Variants in SCGB2B2 observed in about 807,000 individuals in gnomAD.
SCGB2B2 encodes the protein secretoglobin family 2B member 2.
Under a neutral mutation model 7.6 loss-of-function variants are expected in SCGB2B2, and 11 were observed. The observed-to-expected ratio is 1.45, with a 90% CI of 0.91 to 2.40. SCGB2B2 has a LOEUF of 2.40. Among genes scored for constraint, SCGB2B2 ranks in the 30% most tolerant of loss-of-function variants. SCGB2B2 has a pLI of 0.00. For synonymous variants in SCGB2B2, 50 were observed against 48.6 expected (o/e 1.03, Z -0.12); for missense variants, 104 against 115.4 (o/e 0.90, Z 0.45).
intron 1 of SCGB2B2, among the ~76,000 whole-genome samples, chr19:34,615,288 T>C (rs1199743979): frequency 6.6e-6 from 1 of 152,192 alleles, no homozygotes; most frequent in African/African-American, 2.4e-5. Context: ...AGGCTTAGTG[T>C]CTAAAATACT....
intron 1 of SCGB2B2, among the ~76,000 whole-genome samples, chr19:34,606,207 T>C (rs2065774063): frequency 6.6e-6 from 1 of 152,160 alleles, no homozygotes; most frequent in East Asian, 1.9e-4. Context: ...GAATTGTGTA[T>C]ATTTAAAATG....
At chr19:34,621,066 G>C (rs2066228490) in intron 1 of SCGB2B2, among the ~76,000 whole-genome samples, 1 of 152,110 alleles carries the variant, frequency 6.6e-6, no homozygotes, top group South Asian at 2.1e-4. Flanking sequence ...ATTCCTGAAA[G>C]ATTAAAGTCG....
intron 1 of SCGB2B2, among the ~76,000 whole-genome samples, chr19:34,644,480 T>C (rs1227124892): frequency 6.6e-6 from 1 of 151,898 alleles, no homozygotes; most frequent in African/African-American, 2.4e-5. Context: ...ATCACCACTA[T>C]CGATGTCCAA....
At chr19:34,645,525 GACACACACAGACACAGACAC>G (rs61670357) in intron 1 of SCGB2B2, 54,811 of 139,166 alleles carry the variant, frequency 0.39, 9,731 homozygotes, top group African/African-American at 0.52. Context: ...GACACACACA[GACACACACAGACACAGACAC>G]ACACACACAC....
chr19:34,623,757 G>A (rs573653378), intron 1 of SCGB2B2, among the ~76,000 whole-genome samples: 9 of 152,300 alleles, frequency 5.9e-5, no homozygotes, highest in Middle Eastern at 3.4e-3. Flanking sequence ...GCAAAGCCCT[G>A]ATTTCCCAGA....
At chr19:34,590,600 A>G (rs2065275189), downstream of SCGB2B2, among the ~76,000 whole-genome samples, 1 of 152,190 alleles carries the variant, frequency 6.6e-6, no homozygotes, top group South Asian at 2.1e-4. Context: ...GAAGCTCCAT[A>G]TAGTGCTAGG....
intron 1 of SCGB2B2, among the ~76,000 whole-genome samples, chr19:34,637,431 A>G (rs932275695): frequency 3.9e-5 from 6 of 152,166 alleles, no homozygotes; most frequent in Admixed American, 6.5e-5. Context: ...AAAAAAGCGG[A>G]AGCAAAGAGC....
intron 1 of SCGB2B2, chr19:34,640,804 G>C (rs2066819636): frequency 6.6e-6 from 1 of 152,026 alleles, no homozygotes; most frequent in African/African-American, 2.4e-5. Flanking sequence ...ATGACTTACA[G>C]TACCAGGCTA....
In SCGB2B2 at chr19:34,674,564, G is replaced by A. The variant is rs1188064390; in HGVS notation, c.-2032+1066C>T. Among the ~76,000 whole-genome samples, 3 of 152,304 alleles carry A rather than the reference G, an allele frequency of 2.0e-5. No homozygotes were observed. In the South Asian group the frequency reaches 6.2e-4, roughly 32 times the overall value. ...GAGAGATAATTATGAATGGGCAATAGATCGGAATAAATTATCCAGAATGCA... is the reference window on the plus strand; with the variant it reads ...GAGAGATAATTATGAATGGGCAATAAATCGGAATAAATTATCCAGAATGCA... On this transcript the variant is annotated intron_variant, in intron 1 of 3. Coordinates refer to ENST00000601241, the MANE Select transcript of SCGB2B2 (RefSeq NM_001025591.4).
chr19:34,640,245 G>A (rs551540473), intron 1 of SCGB2B2, among the ~76,000 whole-genome samples: 3 of 152,164 alleles, frequency 2.0e-5, no homozygotes, highest in African/African-American at 7.2e-5. Flanking sequence ...GGGATCACAG[G>A]TGTGCACCAG....
intron 1 of SCGB2B2, among the ~76,000 whole-genome samples, chr19:34,597,377 G>A (rs930571181): frequency 4.5e-5 from 2 of 44,236 alleles, no homozygotes; most frequent in Admixed American, 3.2e-4. Context: ...TTTAGCCCTG[G>A]GGACATTGGG....
At chr19:34,587,728 GT>G (rs991056978), downstream of SCGB2B2, among the ~76,000 whole-genome samples, 1 of 152,118 alleles carries the variant, frequency 6.6e-6, no homozygotes, top group African/African-American at 2.4e-5. Context: ...TTTGTTAAGA[GT>G]TTTTACCATG....
chr19:34,618,124 G>A (rs2066141197), intron 1 of SCGB2B2, among the ~76,000 whole-genome samples: 1 of 152,186 alleles, frequency 6.6e-6, no homozygotes, highest in African/African-American at 2.4e-5. Flanking sequence ...CTGTAGACCG[G>A]AGCTGTTCCT....
chr19:34,615,643 G>T (rs756760749), intron 1 of SCGB2B2, among the ~76,000 whole-genome samples: 6 of 152,000 alleles, frequency 3.9e-5, no homozygotes, highest in Non-Finnish European at 7.4e-5. Context: ...TTATTTTCTT[G>T]TAGTGTCTTT....
chr19:34,590,234 C>G (rs928555507), downstream of SCGB2B2, among the ~76,000 whole-genome samples: 1 of 152,174 alleles, frequency 6.6e-6, no homozygotes, highest in South Asian at 2.1e-4. Flanking sequence ...AGGTCCTGCA[C>G]AGCCCAAGGA....
rs2065375995 is a variant in SCGB2B2, at chr19:34,594,169, A to T, written c.246+6T>A. 6.2e-7 allele frequency: 1 copy of T among 1,613,336 alleles called. No homozygotes were observed. The highest frequency in any genetic ancestry group is 8.5e-7 in the Non-Finnish European group (1 of 1,179,398). ...AGTGTGTGCAGGTCCCCCCGGGCACACTCACAATAACAACTGAATGAGCAA... is the reference window on the plus strand; with the variant it reads ...AGTGTGTGCAGGTCCCCCCGGGCACTCTCACAATAACAACTGAATGAGCAA... On this transcript the variant is annotated splice_donor_region_variant and intron_variant, in intron 3 of 3. Coordinates refer to ENST00000601241, the MANE Select transcript of SCGB2B2 (RefSeq NM_001025591.4).
chr19:34,661,823 T>A (rs1430469552), intron 1 of SCGB2B2, among the ~76,000 whole-genome samples: 1 of 148,660 alleles, frequency 6.7e-6, no homozygotes, highest in Non-Finnish European at 1.5e-5. Context: ...TATGAGTTTT[T>A]CTGTGATTTT....
chr19:34,608,679 A>G (rs1171608373), intron 1 of SCGB2B2: 1 of 112,634 alleles, frequency 8.9e-6, no homozygotes, highest in Non-Finnish European at 2.0e-5. Flanking sequence ...ATATATATAT[A>G]TATATACCGT....
At chr19:34,645,071 G>A (rs746064275) in intron 1 of SCGB2B2, among the ~76,000 whole-genome samples, 2 of 152,226 alleles carry the variant, frequency 1.3e-5, no homozygotes, top group Non-Finnish European at 2.9e-5. Flanking sequence ...CCCAGGTGTC[G>A]CTCATGAACA....
Sources: gnomAD v4.1 joint callset for allele counts (sites outside exome capture counted in the v4.1 genomes callset) on GRCh38, gnomAD v4.1.1 for gene constraint, MANE v1.5 for transcripts, NCBI Gene and HGNC (gene_info 2026-07-23, HGNC 2026-07-21) for gene names.